Variants in NRG3 observed in about 807,000 individuals in gnomAD.
NRG3 encodes pro-neuregulin-3, membrane-bound isoform.
In NRG3, 31 loss-of-function variants were observed where a neutral mutation model predicts 66.9. The ratio of observed to expected loss-of-function variants is 0.46; its 90% CI spans 0.35 to 0.63. NRG3 has a LOEUF of 0.63. Among genes scored for constraint, NRG3 ranks in the 20% least tolerant of loss-of-function variants. The pLI, the probability that NRG3 is intolerant of heterozygous loss-of-function variation, is 0.00. For synonymous variants in NRG3, 393 were observed against 359.4 expected, an observed-to-expected ratio of 1.09 and a Z score of -1.06; for missense variants, 910 against 878.9, an observed-to-expected ratio of 1.04 and a Z score of -0.45.
At chr10:81,944,889 A>G (rs1848709733) in intron 1 of NRG3, among the ~76,000 whole-genome samples, 1 of 152,158 alleles carries the variant, frequency 6.6e-6, no homozygotes, top group Non-Finnish European at 1.5e-5. Flanking sequence ...TCAGTCTGGC[A>G]TGATCTAGAC....
intron 1 of NRG3, among the ~76,000 whole-genome samples, chr10:82,056,843 C>A (rs1268711815): frequency 6.6e-6 from 1 of 152,060 alleles, no homozygotes; most frequent in Non-Finnish European, 1.5e-5. Flanking sequence ...TATTGAGAAG[C>A]CAGTAGTCTA....
chr10:82,630,178 C>G (rs2049717014), intron 2 of NRG3, among the ~76,000 whole-genome samples: 1 of 151,952 alleles, frequency 6.6e-6, no homozygotes, highest in African/African-American at 2.4e-5. Flanking sequence ...ATTTAAATTC[C>G]AAATCCCAAA....
At chr10:82,971,346 A>G (rs1851710060) in intron 6 of NRG3, among the ~76,000 whole-genome samples, 1 of 152,042 alleles carries the variant, frequency 6.6e-6, no homozygotes, top group South Asian at 2.1e-4. Flanking sequence ...ACTGTTATCC[A>G]TAGTTATGTT....
At chr10:82,169,543 T>C (rs1304792737) in intron 1 of NRG3, among the ~76,000 whole-genome samples, 2 of 151,664 alleles carry the variant, frequency 1.3e-5, no homozygotes, top group Non-Finnish European at 2.9e-5. Context: ...TTTTAGGGTA[T>C]ATTACTTACA....
intron 1 of NRG3, among the ~76,000 whole-genome samples, chr10:82,281,709 T>C (rs1344286442): frequency 1.1e-4 from 16 of 152,108 alleles, no homozygotes; most frequent in Non-Finnish European, 4.4e-5. Context: ...TTCCCTGATA[T>C]GGCCAGATAT....
intron 3 of NRG3, among the ~76,000 whole-genome samples, chr10:82,844,621 A>G (rs555733598): frequency 2.0e-5 from 3 of 151,986 alleles, no homozygotes; most frequent in Non-Finnish European, 4.4e-5. Context: ...AACATTTTAC[A>G]GGATAGTACA....
chr10:82,219,076 T>G (rs2075817993), intron 1 of NRG3, among the ~76,000 whole-genome samples: 7 of 151,962 alleles, frequency 4.6e-5, no homozygotes, highest in Admixed American at 4.6e-4. Flanking sequence ...ACAGAAACAT[T>G]GTCCTGTGCA....
intron 1 of NRG3, among the ~76,000 whole-genome samples, chr10:82,053,623 A>G (rs1399206940): frequency 6.6e-6 from 1 of 152,218 alleles, no homozygotes; most frequent in African/African-American, 2.4e-5. Flanking sequence ...TGAGTTTTTA[A>G]TGGACAAACA....
At chr10:82,720,805 T>TTATATATATATATATATATATATATATA (rs1363560030) in intron 2 of NRG3, among the ~76,000 whole-genome samples, 3 of 63,488 alleles carry the variant, frequency 4.7e-5, no homozygotes, top group African/African-American at 2.2e-4. Context: ...TAGGAGTATT[T>TTATATATATATATATATATATATATATA]TATACATATA....
chr10:82,574,594 C>T (rs1293441470), intron 2 of NRG3, among the ~76,000 whole-genome samples: 3 of 151,712 alleles, frequency 2.0e-5, no homozygotes, highest in African/African-American at 7.3e-5. Flanking sequence ...CCCAAATACA[C>T]AGATTGGATC....
At chr10:82,048,446 C>A (rs922998811) in intron 1 of NRG3, among the ~76,000 whole-genome samples, 1 of 152,056 alleles carries the variant, frequency 6.6e-6, no homozygotes, top group Non-Finnish European at 1.5e-5. Flanking sequence ...TTAAGAGACT[C>A]ACTCAAAACC....
chr10:82,126,851 C>A (rs1055081400), intron 1 of NRG3, among the ~76,000 whole-genome samples: 2 of 151,966 alleles, frequency 1.3e-5, no homozygotes, highest in Admixed American at 6.6e-5. Context: ...CAAAGGGAGG[C>A]CTATTTTGCT....
At chr10:82,586,352 A>G (rs2046668193) in intron 2 of NRG3, among the ~76,000 whole-genome samples, 1 of 152,300 alleles carries the variant, frequency 6.6e-6, no homozygotes, top group East Asian at 1.9e-4. Context: ...TTGATGCTCT[A>G]ACAAAATTTT....
At chr10:82,760,570 T>A (rs912715970) in intron 3 of NRG3, among the ~76,000 whole-genome samples, 1 of 152,074 alleles carries the variant, frequency 6.6e-6, no homozygotes, top group Non-Finnish European at 1.5e-5. Context: ...TACTGAAGCT[T>A]TAAGTAAGCC....
At chr10:82,476,733 A>G (rs1395983986) in intron 2 of NRG3, among the ~76,000 whole-genome samples, 2 of 152,170 alleles carry the variant, frequency 1.3e-5, no homozygotes, top group Non-Finnish European at 2.9e-5. Context: ...ATTGTTTGAC[A>G]GTTACAGATA....
At chr10:82,187,044 A>C (rs1005624844) in intron 1 of NRG3, among the ~76,000 whole-genome samples, 1 of 152,200 alleles carries the variant, frequency 6.6e-6, no homozygotes, top group Non-Finnish European at 1.5e-5. Context: ...CAAAAACTGG[A>C]GGAGACTTTT....
chr10:82,446,822 T>C (rs2090752252), intron 2 of NRG3, among the ~76,000 whole-genome samples: 1 of 152,186 alleles, frequency 6.6e-6, no homozygotes, highest in Non-Finnish European at 1.5e-5. Flanking sequence ...TCAAAACTGC[T>C]TCCCGCAATG....
intron 2 of NRG3, among the ~76,000 whole-genome samples, chr10:82,595,599 C>G (rs1202648810): frequency 6.6e-6 from 1 of 152,048 alleles, no homozygotes; most frequent in Non-Finnish European, 1.5e-5. Context: ...TGCTGGCCAA[C>G]ATGGTGAAAC....
chr10:82,324,076 G>A (rs936859871), intron 1 of NRG3, among the ~76,000 whole-genome samples: 42 of 152,078 alleles, frequency 2.8e-4, no homozygotes, highest in African/African-American at 1.0e-3. Context: ...TGTTGGCCAG[G>A]CTGGTGTCTA....
Sources: gnomAD v4.1 joint callset for allele counts (sites outside exome capture counted in the v4.1 genomes callset) on GRCh38, gnomAD v4.1.1 for gene constraint, MANE v1.5 for transcripts, NCBI Gene and HGNC (gene_info 2026-07-23, HGNC 2026-07-21) for gene names.